THSD4: variants seen among roughly 807,000 people sequenced by gnomAD.
THSD4 encodes the protein thrombospondin type 1 domain containing 4.
In THSD4, 69 loss-of-function variants were observed where a neutral mutation model predicts 119.0. The observed-to-expected ratio is 0.58, with a 90% CI of 0.48 to 0.71. The LOEUF (loss-of-function observed/expected upper bound fraction) is 0.71, where lower values mean the gene tolerates loss of function less well. Among genes scored for constraint, THSD4 ranks in the 30% least tolerant of loss-of-function variants. The pLI, the probability that THSD4 is intolerant of heterozygous loss-of-function variation, is 0.00. For missense variants in THSD4, 1,393 were observed against 1,391.1 expected (o/e 1.00, Z -0.02); for synonymous variants, 524 against 540.4 (o/e 0.97, Z 0.42).
chr15:71,339,287 C>T (rs1006113855), intron 6 of THSD4, among the ~76,000 whole-genome samples: 6 of 152,008 alleles, frequency 3.9e-5, no homozygotes, highest in African/African-American at 1.2e-4. Context: ...CTGAGCCTCC[C>T]TTTTATTGAT....
chr15:71,662,447 T>G (rs1006917563), intron 8 of THSD4, among the ~76,000 whole-genome samples: 1 of 152,216 alleles, frequency 6.6e-6, no homozygotes, highest in Non-Finnish European at 1.5e-5. Context: ...TCCTCCTTTC[T>G]TTTGTACTGC....
chr15:71,709,966 C>T (rs1050754947), intron 8 of THSD4, among the ~76,000 whole-genome samples: 12 of 152,134 alleles, frequency 7.9e-5, no homozygotes, highest in Admixed American at 1.3e-4. Flanking sequence ...ACGGGGTGAG[C>T]GGCTAGGGAT....
At chr15:71,477,676 C>T (rs2047672925) in intron 7 of THSD4, among the ~76,000 whole-genome samples, 1 of 152,250 alleles carries the variant, frequency 6.6e-6, no homozygotes, top group South Asian at 2.1e-4. Context: ...TTGTTTCAGC[C>T]TCCACCTTCA....
At chr15:71,357,978 G>A (rs902710921) in intron 6 of THSD4, among the ~76,000 whole-genome samples, 2 of 152,190 alleles carry the variant, frequency 1.3e-5, no homozygotes, top group Admixed American at 1.3e-4. Context: ...AGGTGGCTTT[G>A]CTGTCTGTGA....
At chr15:71,366,595 A>G (rs2045968938) in intron 6 of THSD4, among the ~76,000 whole-genome samples, 1 of 152,090 alleles carries the variant, frequency 6.6e-6, no homozygotes, top group Non-Finnish European at 1.5e-5. Context: ...GGCCCGCACT[A>G]TATGGGCCCT....
chr15:71,649,784 G>A (rs1466436154), intron 7 of THSD4, among the ~76,000 whole-genome samples: 3 of 152,128 alleles, frequency 2.0e-5, no homozygotes, highest in African/African-American at 7.2e-5. Flanking sequence ...TTTTTATATG[G>A]TATAAGGAAG....
intron 8 of THSD4, among the ~76,000 whole-genome samples, chr15:71,672,145 T>C (rs978865646): frequency 1.2e-4 from 18 of 152,196 alleles, no homozygotes; most frequent in Admixed American, 7.2e-4. Flanking sequence ...TTTGTTTGTG[T>C]CTTCTTTTAT....
chr15:71,263,731 T>G (rs2044431172), intron 6 of THSD4, among the ~76,000 whole-genome samples: 2 of 152,198 alleles, frequency 1.3e-5, no homozygotes, highest in African/African-American at 4.8e-5. Context: ...ATCCACATTG[T>G]TTCTGCTCAC....
In THSD4 at chr15:71,481,278, G is replaced by A. The variant is rs569548227; in HGVS notation, c.1152+69455G>A. ...TGTTTTTGGAATACTATATTATTAG[G>A]CTTCTATGGAAAGTACTAATAGCTA... On this transcript the variant is annotated intron_variant, in intron 7 of 17. Coordinates refer to ENST00000261862, the MANE Select transcript of THSD4 (RefSeq NM_024817.3). Among the ~76,000 whole-genome samples, 11 of 152,234 alleles carry A rather than the reference G, an allele frequency of 7.2e-5. No individual in the cohort carries two copies. The South Asian group carries it at 2.3e-3, about 32-fold the overall frequency.
chr15:71,174,885 C>T (rs1393565346), intron 3 of THSD4, among the ~76,000 whole-genome samples: 1 of 151,154 alleles, frequency 6.6e-6, no homozygotes, highest in African/African-American at 2.4e-5. Flanking sequence ...ACACTGACAC[C>T]TCACAAGGCA....
chr15:71,283,183 A>G (rs138365904), intron 6 of THSD4, among the ~76,000 whole-genome samples: 6,599 of 152,022 alleles, frequency 0.043, 182 homozygotes, highest in South Asian at 0.12. Context: ...GTTAGCCGGG[A>G]TGGTCTCCAT....
chr15:71,501,537 A>G (rs1373075151), intron 7 of THSD4, among the ~76,000 whole-genome samples: 1 of 152,176 alleles, frequency 6.6e-6, no homozygotes, highest in Non-Finnish European at 1.5e-5. Context: ...TACTGCCTAC[A>G]TGCCAGGGCT....
At chr15:71,521,170 G>A (rs546412226) in intron 7 of THSD4, among the ~76,000 whole-genome samples, 1 of 152,272 alleles carries the variant, frequency 6.6e-6, no homozygotes, top group East Asian at 1.9e-4. Flanking sequence ...TGATCTAAAA[G>A]TAACAGTACT....
chr15:71,583,876 C>T (rs2049605924), intron 7 of THSD4, among the ~76,000 whole-genome samples: 1 of 152,112 alleles, frequency 6.6e-6, no homozygotes. Flanking sequence ...AACATGCATT[C>T]TGCTGCTGTT....
chr15:71,191,128 C>G (rs1443617940), intron 3 of THSD4, among the ~76,000 whole-genome samples: 1 of 152,136 alleles, frequency 6.6e-6, no homozygotes, highest in East Asian at 1.9e-4. Context: ...AACCTCTTTG[C>G]CTTCTCCTGC....
intron 7 of THSD4, among the ~76,000 whole-genome samples, chr15:71,561,895 C>A (rs55976547): frequency 0.39 from 53,844 of 139,772 alleles, 10,399 homozygotes; most frequent in South Asian, 0.43. Flanking sequence ...CACACACACA[C>A]ACACACACAC....
chr15:71,737,227 AG>A (rs2053131170), intron 10 of THSD4, among the ~76,000 whole-genome samples: 2 of 152,254 alleles, frequency 1.3e-5, no homozygotes, highest in Non-Finnish European at 2.9e-5. Context: ...GCTAGGTCAA[AG>A]GGTATGTGCA....
At chr15:71,159,859 G>A (rs971356356) in intron 3 of THSD4, among the ~76,000 whole-genome samples, 30 of 151,988 alleles carry the variant, frequency 2.0e-4, no homozygotes, top group Non-Finnish European at 5.9e-5. Context: ...CCTTGTTCCT[G>A]TTCTTAGAGG....
At chr15:71,639,511 T>C (rs890875511) in intron 7 of THSD4, among the ~76,000 whole-genome samples, 5 of 152,196 alleles carry the variant, frequency 3.3e-5, no homozygotes, top group Non-Finnish European at 5.9e-5. Context: ...AGCCCAGTTG[T>C]AGTCGTAAGA....
Sources: gnomAD v4.1 joint callset for allele counts (sites outside exome capture counted in the v4.1 genomes callset) on GRCh38, gnomAD v4.1.1 for gene constraint, MANE v1.5 for transcripts, NCBI Gene and HGNC (gene_info 2026-07-23, HGNC 2026-07-21) for gene names.